Variants in CEP128 observed in about 807,000 individuals in gnomAD.
The protein encoded by CEP128 is centrosomal protein 128kDa.
In CEP128, 132 loss-of-function variants were observed where a neutral mutation model predicts 156.7. The ratio of observed to expected loss-of-function variants is 0.84; its 90% CI spans 0.73 to 0.97. The LOEUF (loss-of-function observed/expected upper bound fraction) is 0.97, where lower values mean the gene tolerates loss of function less well. Among genes scored for constraint, CEP128 ranks in the 50% least tolerant of loss-of-function variants. The probability of loss-of-function intolerance (pLI) is 0.00; values close to 1 mark genes in which losing one functional copy is unlikely to be tolerated. For missense variants in CEP128, 1,252 were observed against 1,281.9 expected, an observed-to-expected ratio of 0.98 and a Z score of 0.36; for synonymous variants, 469 against 448.9, an observed-to-expected ratio of 1.04 and a Z score of -0.57.
intron 23 of CEP128, among the ~76,000 whole-genome samples, chr14:80,516,452 C>T (rs979245016): frequency 6.6e-6 from 1 of 152,174 alleles, no homozygotes; most frequent in Admixed American, 6.5e-5. Context: ...GTGATGCTAG[C>T]ACTCCCTTGA....
intron 19 of CEP128, among the ~76,000 whole-genome samples, chr14:80,606,783 T>C (rs1892797139): frequency 6.6e-6 from 1 of 152,002 alleles, no homozygotes; most frequent in South Asian, 2.1e-4. Flanking sequence ...TGTGCGTGTG[T>C]GTAGAGAGCA....
chr14:80,813,457 T>C (rs987027571), intron 13 of CEP128, among the ~76,000 whole-genome samples: 40 of 152,282 alleles, frequency 2.6e-4, no homozygotes, highest in African/African-American at 9.4e-4. Flanking sequence ...TTTGGTGTCC[T>C]AAGAAATCAC....
At chr14:80,533,266 C>T (rs1309611197) in intron 21 of CEP128, among the ~76,000 whole-genome samples, 1 of 152,060 alleles carries the variant, frequency 6.6e-6, no homozygotes, top group Non-Finnish European at 1.5e-5. Context: ...AAATTTTATG[C>T]ATTGCATAAA....
At chr14:80,809,315 C>A (rs565592893) in intron 13 of CEP128, among the ~76,000 whole-genome samples, 1 of 151,572 alleles carries the variant, frequency 6.6e-6, no homozygotes, top group East Asian at 1.9e-4. Context: ...TAAAATGATT[C>A]AATCAGAATT....
At chr14:80,763,337 T>C (rs545470299) in intron 16 of CEP128, among the ~76,000 whole-genome samples, 1 of 152,332 alleles carries the variant, frequency 6.6e-6, no homozygotes, top group African/African-American at 2.4e-5. Flanking sequence ...TCCCTACCAA[T>C]TAATACATCA....
intron 14 of CEP128, among the ~76,000 whole-genome samples, chr14:80,792,464 T>G (rs911793848): frequency 2.0e-5 from 3 of 152,200 alleles, no homozygotes; most frequent in African/African-American, 7.2e-5. Context: ...ATTGGAATAT[T>G]AGAAGATTAA....
intron 24 of CEP128, among the ~76,000 whole-genome samples, chr14:80,500,689 T>C (rs1441927517): frequency 6.6e-6 from 1 of 152,180 alleles, no homozygotes; most frequent in Non-Finnish European, 1.5e-5. Context: ...CCAGTTTTAT[T>C]TTCTGTATTT....
At chr14:80,863,737 G>C (rs1887631095) in intron 8 of CEP128, among the ~76,000 whole-genome samples, 1 of 152,086 alleles carries the variant, frequency 6.6e-6, no homozygotes, top group South Asian at 2.1e-4. Flanking sequence ...AAAGAATCAA[G>C]AAAAGTCCTG....
intron 4 of CEP128, among the ~76,000 whole-genome samples, chr14:80,912,502 A>C (rs1884299016): frequency 1.3e-5 from 2 of 152,172 alleles, no homozygotes. Flanking sequence ...TTTTTCACTA[A>C]TAAATTAAAA....
intron 16 of CEP128, among the ~76,000 whole-genome samples, chr14:80,773,068 G>C (rs1253144857): frequency 6.6e-6 from 1 of 152,084 alleles, no homozygotes; most frequent in Non-Finnish European, 1.5e-5. Context: ...GAGGGTGGCA[G>C]GTATCTCTGA....
chr14:80,514,085 T>C (rs1034648953), intron 23 of CEP128, among the ~76,000 whole-genome samples: 2 of 152,214 alleles, frequency 1.3e-5, no homozygotes, highest in Admixed American at 6.5e-5. Flanking sequence ...TTTCTATTGA[T>C]CCCAAGTCTT....
intron 19 of CEP128, among the ~76,000 whole-genome samples, chr14:80,724,613 A>C (rs1038023101): frequency 6.6e-6 from 1 of 152,138 alleles, no homozygotes; most frequent in African/African-American, 2.4e-5. Flanking sequence ...GTTTACCTTA[A>C]CGATAAAGAC....
intron 13 of CEP128, among the ~76,000 whole-genome samples, chr14:80,819,213 C>G (rs932665563): frequency 6.7e-6 from 1 of 149,956 alleles, no homozygotes; most frequent in Non-Finnish European, 1.5e-5. Context: ...GGAGGAAAAG[C>G]AGCAAGCCAG....
At chr14:80,560,366 A>G (rs1364927639) in intron 20 of CEP128, among the ~76,000 whole-genome samples, 1 of 149,690 alleles carries the variant, frequency 6.7e-6, no homozygotes, top group African/African-American at 2.4e-5. Context: ...CAGAGGTTGC[A>G]GTGAACTGAG....
Position 80,836,237 on chromosome 14 carries a change from T to A in CEP128, c.1025A>T (p.Asp342Val), listed in dbSNP as rs1357011978. The A allele has an allele frequency of 1.2e-6, 2 of 1,614,056 alleles. No homozygotes were observed. Among genetic ancestry groups the A allele is most frequent in the Non-Finnish European group, 1.7e-6 (2 of 1,179,930 alleles). Residue 342 changes from aspartate to valine, a missense_variant, in exon 12 of 25, where the codon GAT (aspartate) becomes GTT (valine). Physicochemically the swap from Asp to Val is radical, Grantham distance 152. Coordinates refer to ENST00000555265, the MANE Select transcript of CEP128 (RefSeq NM_152446.5). ...QISKQQSNYQ[D>V]EQGEDWRFRR... is the part of the protein sequence containing the mutation. ...AAATCTCCAGTCCTCCCCTTGTTCA[T>A]CCTGATAGTTTGACTGTTGCTTGGA...
chr14:80,833,945 A>G (rs1595473299), intron 12 of CEP128, among the ~76,000 whole-genome samples: 1 of 152,188 alleles, frequency 6.6e-6, no homozygotes, highest in East Asian at 1.9e-4. Flanking sequence ...GATGCCACAC[A>G]CTGAGACAGG....
intron 19 of CEP128, among the ~76,000 whole-genome samples, chr14:80,682,195 A>C (rs558250154): frequency 6.6e-6 from 1 of 152,328 alleles, no homozygotes; most frequent in Admixed American, 6.5e-5. Flanking sequence ...AAAGTTTGAA[A>C]ACCAAACCCA....
chr14:80,848,708 ATTAGGGT>A (rs1886735611), intron 9 of CEP128, among the ~76,000 whole-genome samples: 1 of 151,666 alleles, frequency 6.6e-6, no homozygotes, highest in Non-Finnish European at 1.5e-5. Context: ...AAGAAAGAAA[ATTAGGGT>A]GAGAGGAATT....
At chr14:80,880,973 C>A (rs1595539970) in intron 8 of CEP128, among the ~76,000 whole-genome samples, 1 of 141,744 alleles carries the variant, frequency 7.1e-6, no homozygotes. Context: ...AATTATGTAA[C>A]TGAAAAAGAA....
Sources: allele counts gnomAD v4.1 joint callset (sites outside exome capture counted in the v4.1 genomes callset), GRCh38; gene constraint gnomAD v4.1.1; transcripts MANE v1.5; gene names NCBI Gene and HGNC (gene_info 2026-07-23, HGNC 2026-07-21).